PSMD14: variants seen among roughly 807,000 people sequenced by gnomAD.
PSMD14 encodes proteasome 26S subunit, non-ATPase 14.
In PSMD14, 7 loss-of-function variants were observed where a neutral mutation model predicts 41.2. That is an observed-to-expected ratio of 0.17 (90% CI 0.10 to 0.32). PSMD14 has a LOEUF of 0.32. Among genes scored for constraint, PSMD14 ranks in the 10% least tolerant of loss-of-function variants. PSMD14 has a pLI of 1.00. For missense variants in PSMD14, 139 were observed against 375.6 expected, an observed-to-expected ratio of 0.37 and a Z score of 5.21; for synonymous variants, 114 against 122.3, an observed-to-expected ratio of 0.93 and a Z score of 0.45.
At chr2:161,365,101 G>A (rs944604605) in intron 3 of PSMD14, among the ~76,000 whole-genome samples, 5 of 151,988 alleles carry the variant, frequency 3.3e-5, no homozygotes, top group African/African-American at 7.3e-5. Flanking sequence ...GCGAGACTCC[G>A]TCTAAAAAAA....
chr2:161,389,457 A>G (rs1367077247), intron 8 of PSMD14, among the ~76,000 whole-genome samples: 1 of 152,178 alleles, frequency 6.6e-6, no homozygotes, highest in Non-Finnish European at 1.5e-5. Flanking sequence ...TCTGTACAGT[A>G]TAGCATTTTT....
chr2:161,382,310 G>A (rs986013103), intron 7 of PSMD14: 5 of 151,654 alleles, frequency 3.3e-5, no homozygotes, highest in South Asian at 4.1e-4. Context: ...TGTGAGTTGC[G>A]CATAGACCAA....
chr2:161,313,585 A>G (rs1689116535), intron 1 of PSMD14, among the ~76,000 whole-genome samples: 1 of 152,174 alleles, frequency 6.6e-6, no homozygotes, highest in Non-Finnish European at 1.5e-5. Flanking sequence ...TCTGACCTCA[A>G]GTGATCTGCC....
intron 3 of PSMD14, among the ~76,000 whole-genome samples, chr2:161,345,295 T>G (rs1683024252): frequency 7.2e-6 from 1 of 138,184 alleles, no homozygotes; most frequent in South Asian, 2.4e-4. Context: ...CAGGCTGGAG[T>G]GCAGTGCCGT....
At chr2:161,358,561 T>TA (rs1483567480) in intron 3 of PSMD14, among the ~76,000 whole-genome samples, 6 of 152,194 alleles carry the variant, frequency 3.9e-5, no homozygotes, top group Non-Finnish European at 8.8e-5. Context: ...TTCTGCCCAT[T>TA]ACAACCTCAT....
intron 1 of PSMD14, among the ~76,000 whole-genome samples, chr2:161,314,241 C>A (rs781530590): frequency 6.6e-6 from 1 of 152,246 alleles, no homozygotes; most frequent in South Asian, 2.1e-4. Context: ...TCAAAAAATA[C>A]GTGACACATC....
intron 5 of PSMD14, 23 bp from the exon 6 acceptor site, chr2:161,370,084 A>T (rs756528516): frequency 4.0e-6 from 6 of 1,507,766 alleles, no homozygotes; most frequent in Non-Finnish European, 5.3e-6. Context: ...AAAATTAATA[A>T]TTTTTCTTTC....
chr2:161,318,205 G>A (rs1342867791), intron 2 of PSMD14, among the ~76,000 whole-genome samples: 1 of 152,146 alleles, frequency 6.6e-6, no homozygotes, highest in African/African-American at 2.4e-5. Context: ...AAATATCTGT[G>A]TAGGTTCTAG....
intron 6 of PSMD14, 140 bp from the exon 7 acceptor site, chr2:161,371,031 AG>A (rs1683424705): frequency 1.1e-6 from 1 of 872,378 alleles, no homozygotes; most frequent in African/African-American, 1.7e-5. Flanking sequence ...GTACAATTTC[AG>A]GGTTTCTAAT....
chr2:161,395,046 G>A (rs184867522), intron 9 of PSMD14, 32 bp from the exon 10 acceptor site: 1 of 1,537,728 alleles, frequency 6.5e-7, no homozygotes. Context: ...CCTCAAGGCA[G>A]AAAAAGAATT....
At chr2:161,349,125 C>A (rs545664638) in intron 3 of PSMD14, among the ~76,000 whole-genome samples, 2 of 152,274 alleles carry the variant, frequency 1.3e-5, no homozygotes, top group South Asian at 4.1e-4. Context: ...AAATTCACTG[C>A]AAATTTTGCT....
At chr2:161,379,851 T>G (rs1683552196) in intron 7 of PSMD14, among the ~76,000 whole-genome samples, 1 of 152,054 alleles carries the variant, frequency 6.6e-6, no homozygotes, top group Non-Finnish European at 1.5e-5. Flanking sequence ...TGAGCCAAAA[T>G]TAGCCTTTAG....
intron 3 of PSMD14, among the ~76,000 whole-genome samples, chr2:161,358,061 C>A (rs989024743): frequency 2.0e-5 from 3 of 152,044 alleles, no homozygotes; most frequent in African/African-American, 7.2e-5. Context: ...ATAGTGGTAA[C>A]AGCCTAAGCC....
chr2:161,370,225 A>G (rs760319404), intron 6 of PSMD14, 48 bp downstream of exon 6: 122 of 1,323,916 alleles, frequency 9.2e-5, no homozygotes, highest in Non-Finnish European at 1.2e-4. Flanking sequence ...AAATATTTAT[A>G]GAAACATACC....
At chr2:161,323,886 T>C (rs1299275310) in intron 3 of PSMD14, among the ~76,000 whole-genome samples, 1 of 152,212 alleles carries the variant, frequency 6.6e-6, no homozygotes, top group Non-Finnish European at 1.5e-5. Context: ...GGTATGAGAT[T>C]ATTGTATTAA....
intron 7 of PSMD14, 74 bp from the exon 8 acceptor site, chr2:161,385,390 T>C: frequency 1.4e-6 from 1 of 718,798 alleles, no homozygotes; most frequent in South Asian, 2.0e-5. Context: ...ACGTCGATCA[T>C]GCCTTGTCCA....
At chr2:161,402,642 T>TAAACA (rs768224815) in intron 10 of PSMD14, among the ~76,000 whole-genome samples, 2 of 150,598 alleles carry the variant, frequency 1.3e-5, no homozygotes, top group Admixed American at 6.6e-5. Context: ...CTCTGTCTCT[T>TAAACA]AAACAAAACA....
At chr2:161,310,416 T>C (rs1689075240) in intron 1 of PSMD14, among the ~76,000 whole-genome samples, 3 of 152,228 alleles carry the variant, frequency 2.0e-5, no homozygotes, top group African/African-American at 7.2e-5. Flanking sequence ...AGTGTCCACC[T>C]GTGAAAGCCT....
chr2:161,348,359 A>G (rs1158124855), intron 3 of PSMD14, among the ~76,000 whole-genome samples: 1 of 152,238 alleles, frequency 6.6e-6, no homozygotes, highest in Non-Finnish European at 1.5e-5. Flanking sequence ...CATATATTAC[A>G]AAAATGAATG....
Sources: gnomAD v4.1 joint callset for allele counts (sites outside exome capture counted in the v4.1 genomes callset) on GRCh38, gnomAD v4.1.1 for gene constraint, MANE v1.5 for transcripts, NCBI Gene and HGNC (gene_info 2026-07-23, HGNC 2026-07-21) for gene names.